The following ANKRD13B variants were observed in gnomAD, a reference collection of about 807,000 sequenced individuals.
The protein encoded by ANKRD13B is ankyrin repeat domain 13B, also known as ankyrin repeat domain-containing protein 13B.
Under a neutral mutation model 74.4 loss-of-function variants are expected in ANKRD13B, and 33 were observed. The observed-to-expected ratio is 0.44, with a 90% confidence interval of 0.34 to 0.59. ANKRD13B has a LOEUF of 0.59. Among genes scored for constraint, ANKRD13B ranks in the 20% least tolerant of loss-of-function variants. The probability of loss-of-function intolerance (pLI) is 0.02; values close to 1 mark genes in which losing one functional copy is unlikely to be tolerated. For synonymous variants in ANKRD13B, 341 were observed against 362.9 expected (o/e 0.94, Z 0.68); for missense variants, 676 against 877.9 (o/e 0.77, Z 2.91).
intron 1 of ANKRD13B, among the ~76,000 whole-genome samples, chr17:29,606,431 G>A (rs953601172): frequency 1.3e-5 from 2 of 151,522 alleles, no homozygotes; most frequent in South Asian, 2.1e-4. Flanking sequence ...AGTGGTGCTC[G>A]CCTGTAATCC....
At position 29,593,675 on chromosome 17, in the gene ANKRD13B, G is replaced by A. The variant is rs941109666; in HGVS notation, c.54G>A (p.Leu18=). 19 of 1,446,102 alleles carry A rather than the reference G, an allele frequency of 1.3e-5. No individual in the cohort carries two copies. Among genetic ancestry groups the A allele is most frequent in the Non-Finnish European group, 1.6e-5 (17 of 1,091,190 alleles). The allele number at this position is 1,446,102 out of a possible 1,614,324, so 89.6% of individuals were successfully genotyped here. ...ARKGPEGKYP[L]HYLVWHNRHR... ...AGGGGCCCGAGGGCAAGTATCCGCT[G>A]CACTACCTCGTGTGGCACAACCGCC... Residue 18 remains leucine (L), a synonymous_variant, in exon 1 of 15, where the codon CTG becomes CTA. Transcript: ENST00000394859.
Position 29,612,461 on chromosome 17 carries a change from G to A in ANKRD13B, c.1318G>A (p.Asp440Asn). The change falls in exon 12 of 15, where the codon GAC becomes AAC. Residue 440 changes from aspartate to asparagine, a missense_variant. Asp to Asn is a conservative substitution (Grantham distance 23). This residue lies in a region of ANKRD13B where 328 missense variants were observed against 518.4 expected (regional missense o/e 0.63). Transcript: ENST00000394859. The surrounding 1 kb of genome is among the most constrained non-coding windows in gnomAD (Gnocchi z 6.1). ...CACCTTCGGGAACCTCAACGGCTGC[G>A]ACGAACCGGTGCCATCGGTGCGAGG... Reference protein sequence around the residue: ...RITFGNLNGCDEPVPSVRGSP... With the variant: ...RITFGNLNGCNEPVPSVRGSP... 1 of 1,605,056 alleles carries A rather than the reference G, an allele frequency of 6.2e-7. No homozygotes were observed. The highest frequency in any genetic ancestry group is 1.1e-5 in the South Asian group (1 of 89,712).
chr17:29,607,710 G>A (rs772238918), intron 1 of ANKRD13B, 32 bp from the exon 2 acceptor site: 1 of 1,583,676 alleles, frequency 6.3e-7, no homozygotes, highest in Non-Finnish European at 8.5e-7. Flanking sequence ...ACGTGACTGG[G>A]GCTTTATCTT....
intron 1 of ANKRD13B, among the ~76,000 whole-genome samples, chr17:29,602,424 A>G (rs1002574419): frequency 3.3e-5 from 5 of 151,630 alleles, no homozygotes; most frequent in Non-Finnish European, 7.4e-5. Context: ...TTATTCTGTC[A>G]CAGTTCGGGA....
Position 29,609,158 on chromosome 17 carries a change from G to A in ANKRD13B, c.638G>A (p.Gly213Glu), listed in dbSNP as rs1324975882. 6.2e-7 allele frequency: 1 copy of A among 1,612,224 alleles called. No individual in the cohort carries two copies. Among genetic ancestry groups the A allele is most frequent in the East Asian group, 2.2e-5 (1 of 44,898 alleles). Residue 213 changes from glycine (G) to glutamate (E), a missense_variant, in exon 6 of 15, where the codon GGG (glycine) becomes GAG (glutamate). By Grantham distance (98) the Gly-to-Glu change is moderately conservative (BLOSUM62 -2). This residue lies in a region of ANKRD13B where 328 missense variants were observed against 518.4 expected (regional missense o/e 0.63). Coordinates refer to ENST00000394859, the MANE Select transcript of ANKRD13B (RefSeq NM_152345.5). This position sits in a 1 kb window ranked among gnomAD's most constrained non-coding sequence, Gnocchi z 4.0. ...VVYTETLALAGQDRELLLAAA... is the reference protein window; with the variant it reads ...VVYTETLALAEQDRELLLAAA... The stretch of plus-strand genomic sequence containing the variant: ...TACACAGAGACTCTGGCACTGGCTG[G>A]GCAGGACCGGGAGCTGCTGCTGGCT...
Position 29,593,668 on chromosome 17 carries a change from A to G in ANKRD13B, c.47A>G (p.Tyr16Cys), listed in dbSNP as rs916316449. Residue 16 changes from tyrosine (Y) to cysteine (C), a missense_variant, in exon 1 of 15, where the codon TAT becomes TGT. Physicochemically the swap from Tyr to Cys is radical, Grantham distance 194 (BLOSUM62 -2). Transcript: ENST00000394859. ...ASARKGPEGK[Y>C]PLHYLVWHNR... ...GCCAGGAAGGGGCCCGAGGGCAAGT[A>G]TCCGCTGCACTACCTCGTGTGGCAC... 2 of 1,431,160 alleles carry G rather than the reference A, an allele frequency of 1.4e-6. No homozygotes were observed. The highest frequency in any genetic ancestry group is 5.1e-5 in the Admixed American group (2 of 39,506). 88.7% of individuals were successfully genotyped at this position (1,431,160 alleles called of 1,614,324 possible). A position where few individuals can be genotyped will look rare whatever the true frequency, so the allele number is the denominator to read the frequency against.
Position 29,611,840 on chromosome 17 carries a change from G to A in ANKRD13B, c.970-36G>A. 6.4e-7 allele frequency: 1 copy of A among 1,568,680 alleles called. No individual in the cohort carries two copies. Among genetic ancestry groups the A allele is most frequent in the Middle Eastern group, 1.7e-4 (1 of 5,816 alleles). On this transcript the variant is annotated intron_variant, in intron 9 of 14. Transcript: ENST00000394859. The surrounding 1 kb of genome is among the most constrained non-coding windows in gnomAD (Gnocchi z 4.3). ...ATGAGTTGGCCTGGCATTAGGAACT[G>A]AGGGGAGCTCCTGGGCCCCTCCCCA...
At chr17:29,598,776 C>T (rs950531764) in intron 1 of ANKRD13B, among the ~76,000 whole-genome samples, 3 of 152,118 alleles carry the variant, frequency 2.0e-5, no homozygotes, top group African/African-American at 7.2e-5. Context: ...GTCTCGAACT[C>T]CTGAGCTCAA....
intron 1 of ANKRD13B, among the ~76,000 whole-genome samples, chr17:29,600,735 TG>T (rs773499538): frequency 6.6e-6 from 1 of 152,112 alleles, no homozygotes; most frequent in East Asian, 1.9e-4. Flanking sequence ...TCAGGGGGGC[TG>T]GGGGTCACCT....
At chr17:29,601,708 A>G (rs1484861705) in intron 1 of ANKRD13B, among the ~76,000 whole-genome samples, 1 of 152,076 alleles carries the variant, frequency 6.6e-6, no homozygotes, top group Non-Finnish European at 1.5e-5. Flanking sequence ...TCAGTTTTGA[A>G]GAATATTTTC....
At chr17:29,606,136 C>A (rs1248487054) in intron 1 of ANKRD13B, among the ~76,000 whole-genome samples, 1 of 151,574 alleles carries the variant, frequency 6.6e-6, no homozygotes, top group African/African-American at 2.4e-5. Context: ...GTCTCGAACT[C>A]CCAACCTCAG....
rs780829716 is a variant in ANKRD13B at position 29,609,099 on chromosome 17, G to A, written c.579G>A (p.Val193=). The A allele has an allele frequency of 1.9e-6, 3 of 1,610,874 alleles. No homozygotes were observed. Among genetic ancestry groups the A allele is most frequent in the Admixed American group, 1.7e-5 (1 of 60,024 alleles). The change falls in exon 6 of 15, where the codon GTG becomes GTA. Residue 193 remains valine (V), a synonymous_variant. Coordinates refer to ENST00000394859, the MANE Select transcript of ANKRD13B (RefSeq NM_152345.5). The surrounding 1 kb of genome is among the most constrained non-coding windows in gnomAD (Gnocchi z 4.0). The part of the protein sequence containing the change: ...FVFRGQDTSA[V]VMEIDHDRRV... ...CGTGTCTGGCAGACACAAGCGCCGT[G>A]GTCATGGAGATTGACCACGACCGCC...
chr17:29,612,667 G>A lies in ANKRD13B; in HGVS notation c.1427G>A (p.Cys476Tyr). The change falls in exon 13 of 15, where the codon TGC (cysteine) becomes TAC (tyrosine). Residue 476 changes from cysteine (C) to tyrosine (Y), a missense_variant. Physicochemically the swap from Cys to Tyr is radical, Grantham distance 194. Around this residue, in one of 4 missense-constraint regions of ANKRD13B, gnomAD observed 152 missense variants for 181.4 expected, o/e 0.84. Transcript: ENST00000394859. This position sits in a 1 kb window ranked among gnomAD's most constrained non-coding sequence, Gnocchi z 6.1. ...SSSSTTSCRG[C>Y]EISPALFEAP... ...GCGCCCCCAGCCTCCTGCCGCGGCTGCGAGATCTCCCCAGCGTTGTTCGAG... is the reference window on the plus strand; with the variant it reads ...GCGCCCCCAGCCTCCTGCCGCGGCTACGAGATCTCCCCAGCGTTGTTCGAG... 1 of 1,560,248 alleles carries A rather than the reference G, an allele frequency of 6.4e-7. No individual in the cohort carries two copies. Among genetic ancestry groups the A allele is most frequent in the Non-Finnish European group, 8.6e-7 (1 of 1,159,422 alleles).
At chr17:29,601,452 C>T (rs1418308841) in intron 1 of ANKRD13B, among the ~76,000 whole-genome samples, 1 of 151,496 alleles carries the variant, frequency 6.6e-6, no homozygotes, top group African/African-American at 2.4e-5. Flanking sequence ...AAACTCCTGA[C>T]CTCTGGTGAC....
Position 29,608,507 on chromosome 17 carries a change from G to A in ANKRD13B, c.421+267G>A. On this transcript the variant is annotated intron_variant, in intron 4 of 14. Coordinates refer to ENST00000394859, the MANE Select transcript of ANKRD13B (RefSeq NM_152345.5). This position sits in a 1 kb window ranked among gnomAD's most constrained non-coding sequence, Gnocchi z 6.4. ...GAAGGTAAGCTCTGAGAGGGCAGGA[G>A]TCCTGTCTTTTTCACTGTTGTATTC... The A allele has an allele frequency of 3.4e-6, 2 of 583,438 alleles. No individual in the cohort carries two copies. The highest frequency in any genetic ancestry group is 6.0e-6 in the Non-Finnish European group (2 of 333,488). The allele number at this position is 583,438 out of a possible 1,614,324, so 36.1% of individuals were successfully genotyped here. A position where few individuals can be genotyped will look rare whatever the true frequency, so the allele number is the denominator to read the frequency against.
chr17:29,608,627 G>C lies in ANKRD13B; in HGVS notation c.422-224G>C, dbSNP rs762829997. On this transcript the variant is annotated intron_variant, in intron 4 of 14. Transcript: ENST00000394859. The surrounding 1 kb of genome is among the most constrained non-coding windows in gnomAD (Gnocchi z 6.4). ...GTGAATTAACAAATGATGGACACTA[G>C]GGACTTAGTGGTGACAGAAACATGC... 25 of 606,504 alleles carry C rather than the reference G, an allele frequency of 4.1e-5. No homozygotes were observed. The highest frequency in any genetic ancestry group is 6.6e-5 in the Non-Finnish European group (23 of 348,722). The allele number at this position is 606,504 out of a possible 1,614,324, so 37.6% of individuals were successfully genotyped here.
At position 29,609,460 on chromosome 17, in the gene ANKRD13B, C is replaced by G. The variant is rs747813610; in HGVS notation, c.822+39C>G. 2 of 1,609,202 alleles carry G rather than the reference C, an allele frequency of 1.2e-6. No homozygotes were observed. The highest frequency in any genetic ancestry group is 8.5e-7 in the Non-Finnish European group (1 of 1,177,538). On this transcript the variant is annotated intron_variant, in intron 7 of 14. Transcript: ENST00000394859. This position sits in a 1 kb window ranked among gnomAD's most constrained non-coding sequence, Gnocchi z 4.0. Reference sequence around the variant, plus strand: ...TCCCAGCTGCCAGCCCAGCTGCACTCTTGCCTACAGCAAGCTGTACAGGGG... The same window carrying G: ...TCCCAGCTGCCAGCCCAGCTGCACTGTTGCCTACAGCAAGCTGTACAGGGG...
At chr17:29,603,963 G>A (rs192219068) in intron 1 of ANKRD13B, among the ~76,000 whole-genome samples, 4 of 147,354 alleles carry the variant, frequency 2.7e-5, no homozygotes, top group South Asian at 2.2e-4. Context: ...CTGCAAGCTC[G>A]ATCTCCTGAC....
At chr17:29,613,311 TG>T in intron 14 of ANKRD13B, 42 bp from the exon 15 acceptor site, 1 of 1,389,304 alleles carries the variant, frequency 7.2e-7, no homozygotes, top group Non-Finnish European at 9.2e-7. Context: ...GGCCGGTGGG[TG>T]GGTGCGCCCG....
Sources: gnomAD v4.1 joint callset for allele counts (sites outside exome capture counted in the v4.1 genomes callset) on GRCh38, gnomAD v4.1.1 for gene constraint, gnomAD v4.1.1 regional missense constraint, Gnocchi (gnomAD v3.1) non-coding constraint, MANE v1.5 for transcripts, NCBI Gene and HGNC (gene_info 2026-07-23, HGNC 2026-07-21) for gene names.